The following FRMD3 variants were observed in gnomAD, a reference collection of about 807,000 sequenced individuals.
FRMD3 encodes FERM domain containing 3, also known as FERM domain-containing protein 3.
FRMD3 carries 33 observed loss-of-function variants against 70.2 expected under a neutral mutation model. That is an observed-to-expected ratio of 0.47 (90% CI 0.36 to 0.63). The LOEUF is 0.63. Among genes scored for constraint, FRMD3 ranks in the 20% least tolerant of loss-of-function variants. The pLI is 0.00. For missense variants in FRMD3, 632 were observed against 711.4 expected (o/e 0.89, Z 1.27); for synonymous variants, 279 against 255.9 (o/e 1.09, Z -0.86).
chr9:83,518,581 T>C (rs186035268), intron 1 of FRMD3, among the ~76,000 whole-genome samples: 19 of 152,302 alleles, frequency 1.2e-4, no homozygotes, highest in Non-Finnish European at 2.1e-4. Flanking sequence ...AATTTATAGA[T>C]TCAATGCTAC....
At chr9:83,563,768 A>G in the FRMD3 span, among the ~76,000 whole-genome samples, 2 of 152,296 alleles carry the variant, frequency 1.3e-5, no homozygotes, top group South Asian at 2.1e-4. Flanking sequence ...GGAAAAAAAT[A>G]ATGATGGGGC....
chr9:83,537,977 C>T lies in FRMD3; in HGVS notation c.147+108G>A. 2 of 1,278,428 alleles carry T rather than the reference C, an allele frequency of 1.6e-6. No individual in the cohort carries two copies. The highest frequency in any genetic ancestry group is 2.7e-5 in the South Asian group (2 of 73,050). The allele number at this position is 1,278,428 out of a possible 1,614,324, so 79.2% of individuals were successfully genotyped here. On this transcript the variant is annotated intron_variant, in intron 1 of 13. Transcript: ENST00000304195. The surrounding 1 kb of genome is among the most constrained non-coding windows in gnomAD (Gnocchi z 4.1). ...ATCGAAATCTGGCTTTCTAGCAGTC[C>T]CCCAATCCCCTCCGGGAGTGGGTTC... is the stretch of plus-strand genomic sequence containing the variant.
Position 83,339,187 on chromosome 9 carries a change from G to A in FRMD3, c.473-3548C>T, listed in dbSNP as rs543557070. On this transcript the variant is annotated intron_variant, in intron 5 of 13. Transcript: ENST00000304195. ...TTAGAAAAGTTAGAGAAGAAATGCT[G>A]TGAAGACTGCACCGGATTGCTGACA... 1.0e-3 allele frequency among the ~76,000 whole-genome samples: 154 copies of A among 152,326 alleles called. 1 individual carries two copies. Among genetic ancestry groups the A allele is most frequent in the African/African-American group, 3.6e-3 (149 of 41,580 alleles).
intron 5 of FRMD3, among the ~76,000 whole-genome samples, chr9:83,338,587 T>A (rs1381949945): frequency 6.6e-6 from 1 of 152,046 alleles, no homozygotes; most frequent in Non-Finnish European, 1.5e-5. Flanking sequence ...TATGGACAGA[T>A]CCCAAAAGCA....
rs926340889 is a variant in FRMD3 at position 83,244,685 on chromosome 9, A to ATGTT, written c.*3229_*3232dup. ...CATATTAACATATAAAACAATCTGG[A>ATGTT]TGTTGACATAGAAATGCAAATTTCA... On this transcript the variant is annotated 3_prime_UTR_variant, in exon 14 of 14. Transcript: ENST00000304195. 1 of 985,022 alleles carries ATGTT rather than the reference A, an allele frequency of 1.0e-6. No individual in the cohort carries two copies. The highest frequency in any genetic ancestry group is 6.1e-5 in the Admixed American group (1 of 16,266). The allele number at this position is 985,022 out of a possible 1,614,324, so 61.0% of individuals were successfully genotyped here.
chr9:83,342,680 T>C (rs1823803279), intron 5 of FRMD3, among the ~76,000 whole-genome samples: 1 of 148,190 alleles, frequency 6.7e-6, no homozygotes, highest in Admixed American at 6.9e-5. Flanking sequence ...GATGGATGGA[T>C]GGATGGATAG....
Position 83,271,448 on chromosome 9 carries a change from G to A in FRMD3, c.1195+19155C>T, listed in dbSNP as rs116449882. On this transcript the variant is annotated intron_variant, in intron 13 of 13. Transcript: ENST00000304195. ...TTTTAATAATATATTTATGATAGGAGGGGTATATTCTTGGGTATACAGTAA... is the reference window on the plus strand; with the variant it reads ...TTTTAATAATATATTTATGATAGGAAGGGTATATTCTTGGGTATACAGTAA... 6.1e-3 allele frequency among the ~76,000 whole-genome samples: 925 copies of A among 152,202 alleles called. 13 individuals are homozygous for A. The highest frequency in any genetic ancestry group is 0.021 in the African/African-American group (858 of 41,520).
In FRMD3 at chr9:83,353,465, A is replaced by G. The variant is rs191869663; in HGVS notation, c.296-3708T>C. Among the ~76,000 whole-genome samples, 15 of 152,312 alleles carry G rather than the reference A, an allele frequency of 9.8e-5. No individual in the cohort carries two copies. The East Asian group carries it at 2.1e-3, about 22-fold the overall frequency. On this transcript the variant is annotated intron_variant, in intron 3 of 13. Transcript: ENST00000304195. ...GATCTAGTTATGGATGACAAGATGC[A>G]TGAGGGTATAGAATAATATGTCTTG...
intron 10 of FRMD3, among the ~76,000 whole-genome samples, chr9:83,303,916 T>C (rs1835018168): frequency 6.6e-6 from 1 of 152,214 alleles, no homozygotes; most frequent in Non-Finnish European, 1.5e-5. Flanking sequence ...ATCTCACCAC[T>C]CCCAGCCCTA....
chr9:83,298,764 G>T lies in FRMD3; in HGVS notation c.1054C>A (p.Pro352Thr), dbSNP rs769506542. Reference protein sequence around the residue: ...VEASSKIQREPPEVHRANITQ... With the variant: ...VEASSKIQRETPEVHRANITQ... Reference sequence around the variant, plus strand: ...TCCACTCACCTGTGCACCTCAGGAGGCTCCCTCTGGATCTTGGAACTGGCC... The same window carrying T: ...TCCACTCACCTGTGCACCTCAGGAGTCTCCCTCTGGATCTTGGAACTGGCC... Residue 352 changes from proline (P) to threonine (T), a missense_variant, in exon 12 of 14, where the codon CCT becomes ACT. This residue lies in a region of FRMD3 where 418 missense variants were observed against 442.1 expected (regional missense o/e 0.95). Coordinates refer to ENST00000304195, the MANE Select transcript of FRMD3 (RefSeq NM_174938.6). The T allele has an allele frequency of 2.5e-6, 4 of 1,614,138 alleles. No homozygotes were observed. The highest frequency in any genetic ancestry group is 3.4e-6 in the Non-Finnish European group (4 of 1,179,962).
At chr9:83,407,023 G>A (rs1162109243) in intron 1 of FRMD3, among the ~76,000 whole-genome samples, 2 of 152,130 alleles carry the variant, frequency 1.3e-5, no homozygotes, top group Non-Finnish European at 2.9e-5. Context: ...GTGTTCACCT[G>A]ATCCTGGCAG....
intron 1 of FRMD3, among the ~76,000 whole-genome samples, chr9:83,407,878 T>TTCTCTCTCTCTCTCTCTCTCTC (rs147066768): frequency 4.5e-5 from 4 of 89,090 alleles, no homozygotes; most frequent in African/African-American, 2.1e-4. Flanking sequence ...TCTCTCATCT[T>TTCTCTCTCTCTCTCTCTCTCTC]TCTCTCTCTC....
intron 6 of FRMD3, among the ~76,000 whole-genome samples, chr9:83,317,183 C>G (rs539236925): frequency 7.3e-6 from 1 of 137,064 alleles, no homozygotes; most frequent in African/African-American, 2.7e-5. Flanking sequence ...ATTGAGCCGT[C>G]TCTCATGCAT....
chr9:83,379,325 CT>C (rs1825285770), intron 2 of FRMD3, among the ~76,000 whole-genome samples: 1 of 152,118 alleles, frequency 6.6e-6, no homozygotes, highest in East Asian at 1.9e-4. Flanking sequence ...AGATATAAGT[CT>C]TAGAACATTT....
chr9:83,275,329 A>C (rs997864473), intron 13 of FRMD3, among the ~76,000 whole-genome samples: 1 of 150,416 alleles, frequency 6.6e-6, no homozygotes, highest in African/African-American at 2.5e-5. Context: ...AGTATTTTGA[A>C]ATACTGATCA....
intron 1 of FRMD3, among the ~76,000 whole-genome samples, chr9:83,399,091 T>C (rs1825882079): frequency 6.6e-6 from 1 of 152,176 alleles, no homozygotes; most frequent in Non-Finnish European, 1.5e-5. Flanking sequence ...GTATTAAAGC[T>C]AGAGAAGTCA....
the FRMD3 span, among the ~76,000 whole-genome samples, chr9:83,563,325 G>T: frequency 6.6e-6 from 1 of 152,212 alleles, no homozygotes; most frequent in Non-Finnish European, 1.5e-5. Context: ...AGTGCAGAGT[G>T]GGGGACTGTT....
chr9:83,476,946 G>A lies in FRMD3; in HGVS notation c.147+61139C>T, dbSNP rs183802593. On this transcript the variant is annotated intron_variant, in intron 1 of 13. Transcript: ENST00000304195. ...TAGATTTTATGATCCTTGAGGGCAG[G>A]TGGTGTCTCTTTTGTGTCCATAACC... 4.5e-3 allele frequency among the ~76,000 whole-genome samples: 685 copies of A among 152,282 alleles called. 1 individual carries two copies. The highest frequency in any genetic ancestry group is 7.0e-3 in the Non-Finnish European group (473 of 68,022).
intron 1 of FRMD3, among the ~76,000 whole-genome samples, chr9:83,496,460 A>AC (rs984054082): frequency 5.3e-5 from 8 of 152,196 alleles, no homozygotes; most frequent in Non-Finnish European, 8.8e-5. Context: ...TTCCCAAACT[A>AC]CCCCAATGTT....
Sources: allele counts gnomAD v4.1 joint callset (sites outside exome capture counted in the v4.1 genomes callset), GRCh38; gene constraint gnomAD v4.1.1; regional missense constraint gnomAD v4.1.1; non-coding constraint Gnocchi (gnomAD v3.1); transcripts MANE v1.5; gene names NCBI Gene and HGNC (gene_info 2026-07-23, HGNC 2026-07-21).